Variants in DLG5 observed in about 807,000 individuals in gnomAD.
The protein encoded by DLG5 is disks large homolog 5.
DLG5 carries 48 observed loss-of-function variants against 189.8 expected under a neutral mutation model. That is an observed-to-expected ratio of 0.25 (90% CI 0.20 to 0.32). DLG5 has a LOEUF of 0.32. DLG5 is among the 10% of genes least tolerant of loss of function. The pLI is 1.00. For synonymous variants in DLG5, 1,016 were observed against 1,054.1 expected, an observed-to-expected ratio of 0.96 and a Z score of 0.70; for missense variants, 2,160 against 2,544.7, an observed-to-expected ratio of 0.85 and a Z score of 3.25.
the DLG5 span, among the ~76,000 whole-genome samples, chr10:77,939,572 CT>C: frequency 2.6e-5 from 4 of 152,184 alleles, no homozygotes; most frequent in African/African-American, 9.7e-5. Flanking sequence ...GCAAGTCAGC[CT>C]GCTCAGGATC....
At position 77,821,797 on chromosome 10, in the gene DLG5, C is replaced by A; in HGVS notation, c.2687G>T (p.Arg896Leu). Residue 896 changes from arginine (R) to leucine (L), a missense_variant, in exon 15 of 32, where the codon CGC (arginine) becomes CTC (leucine). Arg to Leu is a moderately radical substitution (Grantham distance 102). Around this residue, in one of 5 missense-constraint regions of DLG5, gnomAD observed 754 missense variants for 746.5 expected, o/e 1.01. Coordinates refer to ENST00000372391, the MANE Select transcript of DLG5 (RefSeq NM_004747.4). The stretch of plus-strand genomic sequence containing the variant: ...GCCACGGTCCCCAGAGGCATCTGAG[C>A]GGAAGGAGCTCAGGCTACGCTCAGA... ...SASERSLSSF[R>L]SDASGDRGFG... is the part of the protein sequence containing the mutation. 6.2e-7 allele frequency: 1 copy of A among 1,611,690 alleles called. No homozygotes were observed. Among genetic ancestry groups the A allele is most frequent in the Non-Finnish European group, 8.5e-7 (1 of 1,179,060 alleles).
At chr10:77,933,574 G>A in the DLG5 span, among the ~76,000 whole-genome samples, 1 of 152,058 alleles carries the variant, frequency 6.6e-6, no homozygotes, top group African/African-American at 2.4e-5. Context: ...GATTACAGGG[G>A]TGAGCCACGG....
chr10:77,876,497 C>T (rs556034825), intron 1 of DLG5, among the ~76,000 whole-genome samples: 17 of 151,940 alleles, frequency 1.1e-4, no homozygotes, highest in Non-Finnish European at 1.3e-4. Flanking sequence ...GCCTCAGCCT[C>T]CTGAGTAGCT....
At chr10:77,883,983 G>A (rs554836554) in intron 1 of DLG5, among the ~76,000 whole-genome samples, 2 of 152,290 alleles carry the variant, frequency 1.3e-5, no homozygotes, top group South Asian at 4.1e-4. Flanking sequence ...ACAGGCGTGA[G>A]CCATCACGCC....
chr10:77,838,716 T>C (rs575450852), intron 7 of DLG5, among the ~76,000 whole-genome samples: 3 of 152,194 alleles, frequency 2.0e-5, no homozygotes, highest in African/African-American at 7.2e-5. Context: ...GGCTCTGCGG[T>C]GAGGGAGCTA....
chr10:77,931,770 C>T, the DLG5 span, among the ~76,000 whole-genome samples: 1 of 152,288 alleles, frequency 6.6e-6, no homozygotes, highest in Middle Eastern at 3.4e-3. Flanking sequence ...TCCTTCCCTC[C>T]TGCAGAGGAG....
intron 2 of DLG5, among the ~76,000 whole-genome samples, chr10:77,860,050 A>G (rs1210467702): frequency 6.6e-6 from 1 of 152,130 alleles, no homozygotes; most frequent in Non-Finnish European, 1.5e-5. Context: ...ACCTCTAACC[A>G]AGCCCAGGGG....
intron 1 of DLG5, among the ~76,000 whole-genome samples, chr10:77,898,891 C>T (rs1226614005): frequency 6.6e-6 from 1 of 152,212 alleles, no homozygotes; most frequent in Non-Finnish European, 1.5e-5. Flanking sequence ...GGGCAGCAAT[C>T]CCAGGATTCT....
At position 77,792,749 on chromosome 10, in the gene DLG5, A is replaced by G; in HGVS notation, c.5657-206T>C. On this transcript the variant is annotated intron_variant, in intron 31 of 31. Transcript: ENST00000372391. The stretch of plus-strand genomic sequence containing the variant: ...TCTTGAGTTGATCACTCATATGTAA[A>G]CTGCCCACCCCACTGCAGTTAACAC... 3 of 570,938 alleles carry G rather than the reference A, an allele frequency of 5.3e-6. No individual in the cohort carries two copies. The South Asian group carries it at 6.7e-5, about 13-fold the overall frequency. The allele number at this position is 570,938 out of a possible 1,614,324, so 35.4% of individuals were successfully genotyped here.
At chr10:77,797,943 T>C (rs1325900574) in intron 27 of DLG5, among the ~76,000 whole-genome samples, 1 of 152,112 alleles carries the variant, frequency 6.6e-6, no homozygotes, top group African/African-American at 2.4e-5. Context: ...TCCCAGCACT[T>C]TGGGAGGCTG....
the DLG5 span, among the ~76,000 whole-genome samples, chr10:77,938,167 G>A: frequency 6.6e-6 from 1 of 151,972 alleles, no homozygotes; most frequent in Admixed American, 6.6e-5. Flanking sequence ...GTTGAGGCAG[G>A]GCATGGTGGC....
chr10:77,817,754 C>G, intron 18 of DLG5, 23 bp downstream of exon 18: 1 of 1,546,654 alleles, frequency 6.5e-7, no homozygotes, highest in Non-Finnish European at 8.8e-7. Flanking sequence ...CTCTGCAGCA[C>G]AAAGTCCAAG....
chr10:77,888,358 C>A (rs370974072), intron 1 of DLG5, among the ~76,000 whole-genome samples: 2 of 152,300 alleles, frequency 1.3e-5, no homozygotes, highest in South Asian at 2.1e-4. Context: ...CCTGCGTGGA[C>A]AGCCCAGTCT....
chr10:77,909,231 G>C (rs1846148445), intron 1 of DLG5, among the ~76,000 whole-genome samples: 1 of 152,148 alleles, frequency 6.6e-6, no homozygotes, highest in Admixed American at 6.6e-5. Context: ...GAGTTCTCAT[G>C]AGAAGCCTGA....
chr10:77,849,076 C>A (rs920316154), intron 5 of DLG5, among the ~76,000 whole-genome samples: 64 of 152,320 alleles, frequency 4.2e-4, no homozygotes, highest in African/African-American at 1.5e-3. Context: ...CAGGCAGAGG[C>A]CCTCCCCAGC....
chr10:77,877,343 T>TA (rs977619972), intron 1 of DLG5, among the ~76,000 whole-genome samples: 21 of 148,484 alleles, frequency 1.4e-4, no homozygotes, highest in South Asian at 6.4e-4. Flanking sequence ...TGACAGGGAC[T>TA]AAAAAAAAAT....
At chr10:77,916,636 C>A (rs1312581209) in intron 1 of DLG5, among the ~76,000 whole-genome samples, 1 of 151,916 alleles carries the variant, frequency 6.6e-6, no homozygotes, top group African/African-American at 2.4e-5. Context: ...ATGCTATCCA[C>A]CCCCATGTCA....
intron 2 of DLG5, among the ~76,000 whole-genome samples, chr10:77,861,562 G>C (rs1207697998): frequency 1.3e-5 from 2 of 152,148 alleles, no homozygotes; most frequent in East Asian, 3.9e-4. Flanking sequence ...GAGGACCTGG[G>C]CGTGGCTGGC....
chr10:77,872,148 C>T (rs989184106), intron 1 of DLG5, among the ~76,000 whole-genome samples: 3 of 152,212 alleles, frequency 2.0e-5, no homozygotes, highest in Admixed American at 2.0e-4. Context: ...CTATGCTCAA[C>T]CCATCCCAGC....
Sources: gnomAD v4.1 joint callset for allele counts (sites outside exome capture counted in the v4.1 genomes callset) on GRCh38, gnomAD v4.1.1 for gene constraint, gnomAD v4.1.1 regional missense constraint, MANE v1.5 for transcripts, NCBI Gene and HGNC (gene_info 2026-07-23, HGNC 2026-07-21) for gene names.